Variants in DSCAM observed in about 807,000 individuals in gnomAD.
The protein encoded by DSCAM is cell adhesion molecule DSCAM.
In DSCAM, 47 loss-of-function variants were observed where a neutral mutation model predicts 217.7. The ratio of observed to expected loss-of-function variants is 0.22; its 90% CI spans 0.17 to 0.28. The LOEUF is 0.28. Among genes scored for constraint, DSCAM ranks in the 10% least tolerant of loss-of-function variants. The pLI is 1.00. For synonymous variants in DSCAM, 1,056 were observed against 1,015.3 expected (o/e 1.04, Z -0.76); for missense variants, 2,080 against 2,618.3 (o/e 0.79, Z 4.49).
chr21:40,569,411 G>A (rs7276773), intron 3 of DSCAM, among the ~76,000 whole-genome samples: 5,758 of 152,190 alleles, frequency 0.038, 313 homozygotes, highest in African/African-American at 0.12. Flanking sequence ...GTCTTTGATC[G>A]TTTACGTGGC....
intron 3 of DSCAM, among the ~76,000 whole-genome samples, chr21:40,479,857 T>G (rs2075967276): frequency 6.6e-6 from 1 of 152,186 alleles, no homozygotes; most frequent in Non-Finnish European, 1.5e-5. Flanking sequence ...AAAAATAAGT[T>G]GTAAATATTT....
intron 1 of DSCAM, among the ~76,000 whole-genome samples, chr21:40,741,373 C>T (rs986647615): frequency 1.3e-5 from 2 of 152,146 alleles, no homozygotes; most frequent in African/African-American, 4.8e-5. Flanking sequence ...TGTGAATGCA[C>T]ATGCATGCAC....
At chr21:40,791,142 G>A (rs987264050) in intron 1 of DSCAM, among the ~76,000 whole-genome samples, 1 of 147,794 alleles carries the variant, frequency 6.8e-6, no homozygotes, top group African/African-American at 2.5e-5. Flanking sequence ...GGGCAACAAA[G>A]CGAGACTTCA....
chr21:40,699,587 A>C (rs2090633450), intron 2 of DSCAM, among the ~76,000 whole-genome samples: 1 of 152,352 alleles, frequency 6.6e-6, no homozygotes, highest in African/African-American at 2.4e-5. Flanking sequence ...TAAGAAAGTG[A>C]AACTACCTTA....
chr21:40,029,379 C>G (rs2088473514), intron 32 of DSCAM, among the ~76,000 whole-genome samples: 3 of 151,438 alleles, frequency 2.0e-5, no homozygotes, highest in South Asian at 4.2e-4. Context: ...GCCCCAGACA[C>G]AAGGTTATGA....
chr21:40,770,921 A>C (rs1425086020), intron 1 of DSCAM, among the ~76,000 whole-genome samples: 1 of 152,228 alleles, frequency 6.6e-6, no homozygotes, highest in African/African-American at 2.4e-5. Context: ...AGAGGTAGAA[A>C]GGGTGCCAAG....
At chr21:40,803,870 CG>C (rs1387041871) in intron 1 of DSCAM, among the ~76,000 whole-genome samples, 2 of 152,064 alleles carry the variant, frequency 1.3e-5, no homozygotes, top group Non-Finnish European at 2.9e-5. Context: ...ATAAATTTGC[CG>C]TCACCAGCCT....
At chr21:40,490,593 A>T (rs927739492) in intron 3 of DSCAM, among the ~76,000 whole-genome samples, 12 of 152,144 alleles carry the variant, frequency 7.9e-5, no homozygotes, top group African/African-American at 2.9e-4. Flanking sequence ...GATTTGAGAG[A>T]GGTCTGGCTG....
chr21:40,558,308 C>T (rs981387560), intron 3 of DSCAM, among the ~76,000 whole-genome samples: 9 of 152,004 alleles, frequency 5.9e-5, no homozygotes, highest in Admixed American at 2.0e-4. Context: ...ATTAGCTGGG[C>T]ATGGCGGCGG....
intron 3 of DSCAM, among the ~76,000 whole-genome samples, chr21:40,485,697 G>A (rs1029837749): frequency 1.3e-5 from 2 of 152,032 alleles, no homozygotes; most frequent in African/African-American, 2.4e-5. Context: ...CAATTTAGAT[G>A]TTACTTACAT....
At chr21:40,079,770 G>A (rs867068000) in intron 25 of DSCAM, among the ~76,000 whole-genome samples, 1 of 151,526 alleles carries the variant, frequency 6.6e-6, no homozygotes, top group South Asian at 2.1e-4. Context: ...CTGAAAAGCG[G>A]TGGCTATGTG....
At chr21:40,777,661 A>C (rs1235628966) in intron 1 of DSCAM, among the ~76,000 whole-genome samples, 3 of 152,222 alleles carry the variant, frequency 2.0e-5, no homozygotes, top group Non-Finnish European at 4.4e-5. Flanking sequence ...AAGATAAATA[A>C]AATACAGAAT....
intron 29 of DSCAM, among the ~76,000 whole-genome samples, chr21:40,055,348 G>A (rs1030800716): frequency 6.6e-6 from 1 of 152,148 alleles, no homozygotes; most frequent in African/African-American, 2.4e-5. Context: ...GCACGGAGTG[G>A]ATTTTCAACC....
At chr21:40,395,559 T>G (rs2075171201) in intron 3 of DSCAM, among the ~76,000 whole-genome samples, 1 of 151,720 alleles carries the variant, frequency 6.6e-6, no homozygotes, top group African/African-American at 2.4e-5. Context: ...CATAGTTGCC[T>G]TCGCAAGGAA....
intron 3 of DSCAM, among the ~76,000 whole-genome samples, chr21:40,563,549 ATATATGTT>A (rs1055356532): frequency 7.6e-5 from 10 of 132,206 alleles, no homozygotes; most frequent in South Asian, 4.9e-4. Context: ...TTATATGTTT[ATATATGTT>A]TATATGTTTA....
In DSCAM at chr21:40,187,137, T is replaced by C. The variant is rs1393912860; in HGVS notation, c.2773A>G (p.Lys925Glu). ...GAGGAAGTAAAGAACTTACCTGATT[T>C]ATTTTTGCATTCAATATCGTAGCCT... ...ITGYDIECKN[K>E]SDSWDSAQRT... is the part of the protein sequence containing the mutation. Residue 925 changes from lysine (K) to glutamate (E), a missense_variant, in exon 14 of 33, where the codon AAA becomes GAA. This residue lies in a region of DSCAM where 1,144 missense variants were observed against 1,421.1 expected (regional missense o/e 0.81). Coordinates refer to ENST00000400454, the MANE Select transcript of DSCAM (RefSeq NM_001389.5). 6.2e-7 allele frequency: 1 copy of C among 1,613,186 alleles called. No individual in the cohort carries two copies. The highest frequency in any genetic ancestry group is 8.5e-7 in the Non-Finnish European group (1 of 1,179,682).
chr21:40,302,270 G>A (rs187745586), intron 9 of DSCAM, among the ~76,000 whole-genome samples: 31 of 152,142 alleles, frequency 2.0e-4, no homozygotes, highest in African/African-American at 3.4e-4. Context: ...GGATCCAGTG[G>A]GAAGTAATTT....
intron 3 of DSCAM, among the ~76,000 whole-genome samples, chr21:40,444,299 G>A (rs115488571): frequency 0.018 from 2,677 of 152,248 alleles, 77 homozygotes; most frequent in African/African-American, 0.062. Flanking sequence ...AGCCAAGGTC[G>A]TGATAGCAGA....
intron 3 of DSCAM, among the ~76,000 whole-genome samples, chr21:40,564,341 C>T (rs2076748848): frequency 6.6e-6 from 1 of 152,112 alleles, no homozygotes; most frequent in African/African-American, 2.4e-5. Context: ...GTACGTTTGT[C>T]CCTTCCAAGT....
Sources: allele counts gnomAD v4.1 joint callset (sites outside exome capture counted in the v4.1 genomes callset), GRCh38; gene constraint gnomAD v4.1.1; regional missense constraint gnomAD v4.1.1; transcripts MANE v1.5; gene names NCBI Gene and HGNC (gene_info 2026-07-23, HGNC 2026-07-21).